Variants in CAMK2D observed in about 807,000 individuals in gnomAD.
CAMK2D encodes the protein calcium/calmodulin dependent protein kinase II delta, also known as calcium/calmodulin-dependent protein kinase type II subunit delta.
A neutral mutation model predicts 84.0 loss-of-function variants in CAMK2D; 37 were observed. The observed-to-expected ratio is 0.44, with a 90% CI of 0.34 to 0.58. The LOEUF is 0.58. CAMK2D is among the 20% of genes least tolerant of loss of function. The pLI, the probability that CAMK2D is intolerant of heterozygous loss-of-function variation, is 0.02. For missense variants in CAMK2D, 448 were observed against 652.5 expected, an observed-to-expected ratio of 0.69 and a Z score of 3.41; for synonymous variants, 202 against 212.5, an observed-to-expected ratio of 0.95 and a Z score of 0.43.
rs17046179 is a variant in CAMK2D, at chr4:113,531,360, A to G, written c.518-61T>C. On this transcript the variant is annotated intron_variant, in intron 7 of 20. Transcript: ENST00000511664. ...TTGACAAAACAATATGAAATGGGAA[A>G]CTAAGAAAGAAAAATATCGGGGGCT... 3.2e-3 allele frequency: 2,750 copies of G among 858,482 alleles called. 58 individuals carry two copies. The African/African-American group carries it at 0.041, about 13-fold the overall frequency. The allele number at this position is 858,482 out of a possible 1,614,324, so 53.2% of individuals were successfully genotyped here. A position where few individuals can be genotyped will look rare whatever the true frequency, so the allele number is the denominator to read the frequency against.
At chr4:113,490,316 T>C (rs992276198) in intron 16 of CAMK2D, among the ~76,000 whole-genome samples, 45 of 148,550 alleles carry the variant, frequency 3.0e-4, no homozygotes, top group African/African-American at 1.1e-3. Context: ...AATTGATTTT[T>C]GTACAAGGTG....
intron 2 of CAMK2D, among the ~76,000 whole-genome samples, chr4:113,717,207 G>T (rs1000588501): frequency 9.9e-5 from 15 of 152,040 alleles, no homozygotes; most frequent in South Asian, 2.1e-4. Flanking sequence ...ATTTTAATTT[G>T]TGAGTAGTTT....
In CAMK2D at chr4:113,451,083, C is replaced by T. The variant is rs1188751995; in HGVS notation, c.*3462G>A. On this transcript the variant is annotated 3_prime_UTR_variant, in exon 21 of 21. Coordinates refer to ENST00000511664, the MANE Select transcript of CAMK2D (RefSeq NM_001321571.2). Reference sequence around the variant, plus strand: ...CAATGAAATCACTCGAAAGCTGTGTCATCTATGTTTACCCTTAAATTATAA... The same window carrying T: ...CAATGAAATCACTCGAAAGCTGTGTTATCTATGTTTACCCTTAAATTATAA... 1 of 152,218 alleles carries T rather than the reference C, an allele frequency of 6.6e-6. No homozygotes were observed. The highest frequency in any genetic ancestry group is 1.5e-5 in the Non-Finnish European group (1 of 68,028). 9.4% of individuals were successfully genotyped at this position (152,218 alleles called of 1,614,324 possible).
chr4:113,513,983 G>T, intron 10 of CAMK2D, 70 bp from the exon 11 acceptor site: 2 of 677,112 alleles, frequency 3.0e-6, no homozygotes, highest in East Asian at 2.8e-5. Context: ...TAATGTCCCT[G>T]ACTTCATCAA....
chr4:113,575,837 G>T (rs571070033), intron 4 of CAMK2D, among the ~76,000 whole-genome samples: 1 of 152,126 alleles, frequency 6.6e-6, no homozygotes, highest in Non-Finnish European at 1.5e-5. Flanking sequence ...GGAATAAAGT[G>T]CATGAGCCTC....
intron 2 of CAMK2D, among the ~76,000 whole-genome samples, chr4:113,712,561 C>A (rs1487455837): frequency 3.9e-5 from 6 of 152,056 alleles, no homozygotes; most frequent in African/African-American, 1.4e-4. Context: ...AAGGCACATT[C>A]ATCTTCAAGG....
chr4:113,547,879 C>G (rs1423019404), intron 5 of CAMK2D, among the ~76,000 whole-genome samples, 163 bp from the exon 6 acceptor site: 1 of 152,192 alleles, frequency 6.6e-6, no homozygotes, highest in Non-Finnish European at 1.5e-5. Flanking sequence ...GTGACTACTA[C>G]CTCAGAACAA....
At chr4:113,477,624 T>C (rs943217337) in intron 16 of CAMK2D, among the ~76,000 whole-genome samples, 18 of 151,854 alleles carry the variant, frequency 1.2e-4, no homozygotes, top group South Asian at 4.2e-4. Flanking sequence ...TGGGTGCCTG[T>C]AGTCCCAGCT....
chr4:113,743,798 A>T (rs1343603982), intron 2 of CAMK2D, among the ~76,000 whole-genome samples: 1 of 151,880 alleles, frequency 6.6e-6, no homozygotes, highest in Admixed American at 6.6e-5. Context: ...TGACCTGAGG[A>T]ATCCCTGAAA....
chr4:113,715,059 A>T (rs1159806410), intron 2 of CAMK2D, among the ~76,000 whole-genome samples: 2 of 152,150 alleles, frequency 1.3e-5, no homozygotes, highest in Non-Finnish European at 2.9e-5. Flanking sequence ...TTCATAAAAG[A>T]TCTTCTACAA....
At chr4:113,462,395 CT>C (rs1279919632) in intron 17 of CAMK2D, among the ~76,000 whole-genome samples, 2 of 147,870 alleles carry the variant, frequency 1.4e-5, no homozygotes, top group African/African-American at 5.0e-5. Context: ...CCATAAAAGG[CT>C]TTGTATTAAT....
chr4:113,727,048 A>C (rs2099548044), intron 2 of CAMK2D, among the ~76,000 whole-genome samples: 1 of 152,220 alleles, frequency 6.6e-6, no homozygotes, highest in South Asian at 2.1e-4. Context: ...TTGATCAACT[A>C]GTCTCCGCTC....
At chr4:113,740,256 A>G (rs909847351) in intron 2 of CAMK2D, among the ~76,000 whole-genome samples, 6 of 152,176 alleles carry the variant, frequency 3.9e-5, no homozygotes, top group African/African-American at 1.4e-4. Context: ...AAACAATCCA[A>G]AAGTCCTTCA....
At chr4:113,637,497 TG>T (rs1227208713) in intron 3 of CAMK2D, among the ~76,000 whole-genome samples, 1 of 152,222 alleles carries the variant, frequency 6.6e-6, no homozygotes, top group East Asian at 1.9e-4. Flanking sequence ...TTCATAAACT[TG>T]TGAGTCCTTA....
chr4:113,690,034 C>T (rs571497777), intron 2 of CAMK2D, among the ~76,000 whole-genome samples: 154 of 151,990 alleles, frequency 1.0e-3, no homozygotes, highest in Non-Finnish European at 1.9e-3. Context: ...CCATGGTGGG[C>T]GAATAGGTGA....
chr4:113,603,773 TTA>T (rs139576985), intron 4 of CAMK2D, among the ~76,000 whole-genome samples: 1,532 of 127,932 alleles, frequency 0.012, 12 homozygotes, highest in South Asian at 0.036. Context: ...TCTTGCTATT[TTA>T]TATATATATA....
chr4:113,684,010 A>C (rs1265434216), intron 2 of CAMK2D, among the ~76,000 whole-genome samples: 6 of 152,130 alleles, frequency 3.9e-5, no homozygotes, highest in Non-Finnish European at 7.3e-5. Flanking sequence ...TAAAATGAGG[A>C]TGTTAACAGC....
At chr4:113,537,695 G>A (rs1429541308) in intron 6 of CAMK2D, among the ~76,000 whole-genome samples, 1 of 152,158 alleles carries the variant, frequency 6.6e-6, no homozygotes, top group Non-Finnish European at 1.5e-5. Context: ...CACTTGGGGA[G>A]GGATCAAATG....
At chr4:113,515,265 G>T in intron 9 of CAMK2D, 74 bp from the exon 10 acceptor site, 1 of 938,312 alleles carries the variant, frequency 1.1e-6, no homozygotes, top group Non-Finnish European at 1.6e-6. Context: ...TCAACTACAT[G>T]AATCATTCCC....
Sources: allele counts gnomAD v4.1 joint callset (sites outside exome capture counted in the v4.1 genomes callset), GRCh38; gene constraint gnomAD v4.1.1; transcripts MANE v1.5; gene names NCBI Gene and HGNC (gene_info 2026-07-23, HGNC 2026-07-21).